The following DHRS7B variants were observed in gnomAD, a reference collection of about 807,000 sequenced individuals.
DHRS7B encodes the protein peroxisomal reductase activating PPAR-gamma.
DHRS7B carries 24 observed loss-of-function variants against 26.4 expected under a neutral mutation model. The observed-to-expected ratio is 0.91, with a 90% CI of 0.66 to 1.28. The LOEUF is 1.28. DHRS7B is among the 50% of genes most tolerant of loss of function. The probability of loss-of-function intolerance (pLI) is 0.00; values close to 1 mark genes in which losing one functional copy is unlikely to be tolerated. For missense variants in DHRS7B, 368 were observed against 419.4 expected (o/e 0.88, Z 1.07); for synonymous variants, 142 against 166.4 (o/e 0.85, Z 1.13).
chr17:21,163,509 C>T (rs535044391), intron 1 of DHRS7B, among the ~76,000 whole-genome samples: 4 of 152,144 alleles, frequency 2.6e-5, no homozygotes, highest in South Asian at 2.1e-4. Flanking sequence ...ACTTCAATGC[C>T]GCCGTGAAGA....
intron 1 of DHRS7B, among the ~76,000 whole-genome samples, chr17:21,142,004 T>C (rs1973526156): frequency 6.6e-6 from 1 of 152,136 alleles, no homozygotes; most frequent in Non-Finnish European, 1.5e-5. Flanking sequence ...AGAAAGTTTA[T>C]TTTGCCAAGG....
At chr17:21,165,506 G>T (rs1019643532) in intron 1 of DHRS7B, among the ~76,000 whole-genome samples, 1 of 151,908 alleles carries the variant, frequency 6.6e-6, no homozygotes, top group South Asian at 2.1e-4. Flanking sequence ...TTAATTTTTG[G>T]TAAAGATGGG....
At chr17:21,185,075 G>A (rs1344973386) in intron 5 of DHRS7B, among the ~76,000 whole-genome samples, 2 of 151,154 alleles carry the variant, frequency 1.3e-5, no homozygotes, top group Non-Finnish European at 2.9e-5. Context: ...TTCCCCCTCA[G>A]TCTTTGACCA....
At chr17:21,138,075 A>AAAAAAATATAT (rs1238830544) in intron 1 of DHRS7B, among the ~76,000 whole-genome samples, 1 of 33,222 alleles carries the variant, frequency 3.0e-5, no homozygotes, top group African/African-American at 1.4e-4. Context: ...TTAAAAAAAA[A>AAAAAAATATAT]ATATATATAT....
chr17:21,154,177 G>C (rs1385998912), intron 1 of DHRS7B, among the ~76,000 whole-genome samples: 1 of 152,034 alleles, frequency 6.6e-6, no homozygotes, highest in African/African-American at 2.4e-5. Flanking sequence ...GGGTATGGTG[G>C]CATGCACCTG....
chr17:21,175,926 CAAA>C (rs60913350), intron 2 of DHRS7B, among the ~76,000 whole-genome samples: 101 of 126,164 alleles, frequency 8.0e-4, no homozygotes, highest in Middle Eastern at 4.0e-3. Flanking sequence ...GACCCTGTAT[CAAA>C]AAAAAAAAAA....
chr17:21,148,525 C>T lies in DHRS7B; in HGVS notation c.20+21534C>T, dbSNP rs139027650. ...ACTTTGGGAGGCTGAGGATGGATCA[C>T]TTTAAGTCAGGAGTTCGAGACCAGC... is the stretch of plus-strand genomic sequence containing the variant. On this transcript the variant is annotated intron_variant, in intron 1 of 6. Transcript: ENST00000395511. Among the ~76,000 whole-genome samples the T allele has an allele frequency of 2.7e-4, 41 of 152,144 alleles. No individual in the cohort carries two copies. The Middle Eastern group carries it at 0.014, about 50-fold the overall frequency.
At chr17:21,133,648 T>C (rs1161859052) in intron 1 of DHRS7B, among the ~76,000 whole-genome samples, 1 of 152,204 alleles carries the variant, frequency 6.6e-6, no homozygotes, top group Non-Finnish European at 1.5e-5. Flanking sequence ...TTAAAATCAT[T>C]TGGAGAAAGC....
intron 3 of DHRS7B, among the ~76,000 whole-genome samples, chr17:21,179,739 C>T (rs117089427): frequency 1.5e-3 from 226 of 150,290 alleles, no homozygotes; most frequent in Non-Finnish European, 2.6e-3. Flanking sequence ...AATATTTTCT[C>T]TCACTCAGTA....
chr17:21,129,532 C>T (rs537345803), intron 1 of DHRS7B, among the ~76,000 whole-genome samples: 2 of 151,316 alleles, frequency 1.3e-5, no homozygotes, highest in Non-Finnish European at 2.9e-5. Context: ...ATAGGGAGAC[C>T]CCATTTCTAC....
intron 1 of DHRS7B, among the ~76,000 whole-genome samples, chr17:21,130,436 G>A (rs1048709449): frequency 2.0e-5 from 3 of 152,074 alleles, no homozygotes; most frequent in East Asian, 1.9e-4. Flanking sequence ...ATGTATGTAC[G>A]TACGTTTGTA....
chr17:21,130,081 T>A (rs1973195913), intron 1 of DHRS7B, among the ~76,000 whole-genome samples: 1 of 152,218 alleles, frequency 6.6e-6, no homozygotes, highest in Admixed American at 6.5e-5. Flanking sequence ...TGGGGCATTG[T>A]CTTCCTGGAT....
intron 1 of DHRS7B, among the ~76,000 whole-genome samples, chr17:21,136,650 C>T (rs1451669004): frequency 6.6e-6 from 1 of 152,080 alleles, no homozygotes; most frequent in African/African-American, 2.4e-5. Flanking sequence ...CTCCCAGGTT[C>T]AAGCGATTCA....
At chr17:21,159,222 G>C (rs1357823854) in intron 1 of DHRS7B, among the ~76,000 whole-genome samples, 4 of 151,128 alleles carry the variant, frequency 2.6e-5, no homozygotes, top group Non-Finnish European at 4.4e-5. Flanking sequence ...CCACAGACTA[G>C]TAGAAAATAT....
intron 1 of DHRS7B, among the ~76,000 whole-genome samples, chr17:21,129,760 A>T (rs1185609517): frequency 6.6e-6 from 1 of 151,954 alleles, no homozygotes; most frequent in East Asian, 1.9e-4. Context: ...CCAGACTGGA[A>T]TGTATTATGG....
At chr17:21,142,230 G>A (rs1973532981) in intron 1 of DHRS7B, among the ~76,000 whole-genome samples, 1 of 152,142 alleles carries the variant, frequency 6.6e-6, no homozygotes, top group South Asian at 2.1e-4. Context: ...TACGTGACAG[G>A]GGCTGCAAGC....
At position 21,183,536 on chromosome 17, in the gene DHRS7B, C is replaced by T. The variant is rs1371885369; in HGVS notation, c.310-58C>T. On this transcript the variant is annotated intron_variant, in intron 3 of 6. Coordinates refer to ENST00000395511, the MANE Select transcript of DHRS7B (RefSeq NM_015510.5). ...TTGAGGCTAAGTGATCCGTGGGACA[C>T]ATAGCTCAGATGGCCTGCCACTCAG... The T allele has an allele frequency of 4.6e-6, 7 of 1,508,700 alleles. No homozygotes were observed. In the Admixed American group the frequency reaches 6.7e-5, roughly 15 times the overall value. The allele number at this position is 1,508,700 out of a possible 1,614,324, so 93.5% of individuals were successfully genotyped here.
chr17:21,155,450 A>G (rs1199663606), intron 1 of DHRS7B, among the ~76,000 whole-genome samples: 4 of 152,240 alleles, frequency 2.6e-5, no homozygotes, highest in Non-Finnish European at 5.9e-5. Flanking sequence ...TCTTTAATGT[A>G]TATACACATA....
intron 1 of DHRS7B, among the ~76,000 whole-genome samples, chr17:21,146,286 A>G (rs944287409): frequency 6.6e-6 from 1 of 152,172 alleles, no homozygotes. Flanking sequence ...CTGTAGTCCC[A>G]GCTACTTGGG....
Sources: gnomAD v4.1 joint callset for allele counts (sites outside exome capture counted in the v4.1 genomes callset) on GRCh38, gnomAD v4.1.1 for gene constraint, MANE v1.5 for transcripts, NCBI Gene and HGNC (gene_info 2026-07-23, HGNC 2026-07-21) for gene names.